HDAC9: variants seen among roughly 807,000 people sequenced by gnomAD.
The protein encoded by HDAC9 is histone deacetylase 9, also known as MEF-2 interacting transcription repressor (MITR) protein.
HDAC9 carries 41 observed loss-of-function variants against 139.4 expected under a neutral mutation model. The observed-to-expected ratio is 0.29, with a 90% CI of 0.23 to 0.38. The LOEUF (loss-of-function observed/expected upper bound fraction) is 0.38. Ranked by LOEUF, HDAC9 falls within the 10% of genes least tolerant of loss-of-function variation. The pLI, the probability that HDAC9 is intolerant of heterozygous loss-of-function variation, is 1.00. For synonymous variants in HDAC9, 517 were observed against 476.2 expected (o/e 1.09, Z -1.12); for missense variants, 1,147 against 1,297.0 (o/e 0.88, Z 1.78).
chr7:18,112,748 A>G (rs1054371011), intron 1 of HDAC9, among the ~76,000 whole-genome samples: 2 of 152,154 alleles, frequency 1.3e-5, no homozygotes, highest in Non-Finnish European at 2.9e-5. Flanking sequence ...ATACACTTTT[A>G]TTTTGATGAG....
At chr7:18,407,141 T>C (rs746272769) in intron 1 of HDAC9, among the ~76,000 whole-genome samples, 1 of 152,214 alleles carries the variant, frequency 6.6e-6, no homozygotes, top group African/African-American at 2.4e-5. Flanking sequence ...TGGTCCTTTT[T>C]TCTTTCACTC....
intron 1 of HDAC9, among the ~76,000 whole-genome samples, chr7:18,342,560 A>G (rs540619919): frequency 8.6e-4 from 130 of 151,932 alleles, no homozygotes; most frequent in African/African-American, 3.0e-3. Context: ...AATGTTTTAA[A>G]TGCTTACTTT....
At chr7:18,585,583 C>A (rs1829225152) in intron 3 of HDAC9, 61 bp downstream of exon 3, 4 of 1,576,842 alleles carry the variant, frequency 2.5e-6, no homozygotes, top group East Asian at 2.2e-5. Flanking sequence ...TGGGCATGAA[C>A]AGTGCCCATG....
intron 22 of HDAC9, among the ~76,000 whole-genome samples, chr7:18,877,206 C>A (rs1312917601): frequency 6.6e-6 from 1 of 152,140 alleles, no homozygotes. Context: ...GCTGCCCCAA[C>A]AAGTGGGTAG....
At position 18,634,669 on chromosome 7, in the gene HDAC9, C is replaced by T; in HGVS notation, c.839C>T (p.Ser280Leu). The T allele has an allele frequency of 6.3e-7, 1 of 1,594,874 alleles. No individual in the cohort carries two copies. Residue 280 changes from serine (S) to leucine (L), a missense_variant, in exon 8 of 26, where the codon TCA (serine) becomes TTA (leucine). Ser to Leu is a moderately radical substitution (Grantham distance 145). This residue lies in a region of HDAC9 where 264 missense variants were observed against 273.8 expected (regional missense o/e 0.96). Coordinates refer to ENST00000686413, the MANE Select transcript of HDAC9 (RefSeq NM_178425.4). Reference sequence around the variant, plus strand: ...AGTTCTCCAGGCTCTGGTCCCAGTTCACCAAACAATGGGCCAACTGGAAGT... The same window carrying T: ...AGTTCTCCAGGCTCTGGTCCCAGTTTACCAAACAATGGGCCAACTGGAAGT... ...SSSSPGSGPS[S>L]PNNGPTGSVT...
intron 12 of HDAC9, among the ~76,000 whole-genome samples, chr7:18,725,904 G>C (rs1270361805): frequency 6.6e-6 from 1 of 152,142 alleles, no homozygotes; most frequent in Non-Finnish European, 1.5e-5. Flanking sequence ...CTAGGTCCCT[G>C]ACCAATCCAT....
At chr7:18,144,138 A>G (rs1205274252) in intron 1 of HDAC9, among the ~76,000 whole-genome samples, 3 of 152,150 alleles carry the variant, frequency 2.0e-5, no homozygotes, top group Non-Finnish European at 4.4e-5. Context: ...AAATAAAAAC[A>G]TTTTCTGATT....
At chr7:18,246,116 T>C (rs943892927) in intron 2 of HDAC9, among the ~76,000 whole-genome samples, 4 of 147,424 alleles carry the variant, frequency 2.7e-5, no homozygotes. Flanking sequence ...AAAAAGTAAG[T>C]TATCTAGTAT....
intron 2 of HDAC9, among the ~76,000 whole-genome samples, chr7:18,510,478 A>G (rs542067321): frequency 2.0e-5 from 3 of 152,180 alleles, no homozygotes; most frequent in South Asian, 2.1e-4. Context: ...CCCTTCTCCT[A>G]TGTTTTTATG....
intron 2 of HDAC9, among the ~76,000 whole-genome samples, chr7:18,226,243 A>G (rs1301499969): frequency 6.6e-6 from 1 of 152,156 alleles, no homozygotes; most frequent in African/African-American, 2.4e-5. Flanking sequence ...TCTTGTCTCA[A>G]GGAGCAAATA....
intron 2 of HDAC9, among the ~76,000 whole-genome samples, chr7:18,266,238 G>A (rs1163742008): frequency 6.6e-6 from 1 of 152,040 alleles, no homozygotes; most frequent in Non-Finnish European, 1.5e-5. Flanking sequence ...ATATCATGGT[G>A]GCCAACGCAC....
At chr7:18,244,773 G>C (rs1271677926) in intron 2 of HDAC9, among the ~76,000 whole-genome samples, 2 of 151,928 alleles carry the variant, frequency 1.3e-5, no homozygotes, top group Non-Finnish European at 2.9e-5. Context: ...ACTCCAGCCT[G>C]TGCGACAGAG....
At chr7:18,819,390 A>G (rs998831403) in intron 17 of HDAC9, among the ~76,000 whole-genome samples, 1 of 152,336 alleles carries the variant, frequency 6.6e-6, no homozygotes, top group African/African-American at 2.4e-5. Flanking sequence ...GCAGAGTTTC[A>G]CTATGTATAT....
intron 11 of HDAC9, among the ~76,000 whole-genome samples, chr7:18,665,970 G>GA (rs1210018996): frequency 6.6e-6 from 1 of 151,882 alleles, no homozygotes; most frequent in Non-Finnish European, 1.5e-5. Flanking sequence ...CCATTAAAAA[G>GA]AAAAAACAAT....
intron 25 of HDAC9, among the ~76,000 whole-genome samples, chr7:18,978,904 A>G (rs1015718485): frequency 6.6e-6 from 1 of 152,114 alleles, no homozygotes; most frequent in African/African-American, 2.4e-5. Context: ...TTAGGAGCAC[A>G]TTTGCACTCT....
chr7:18,209,013 A>G (rs1298075758), intron 2 of HDAC9, among the ~76,000 whole-genome samples: 1 of 152,144 alleles, frequency 6.6e-6, no homozygotes, highest in Non-Finnish European at 1.5e-5. Flanking sequence ...TAGTCAACAT[A>G]CCTTGCTTAG....
At position 18,968,442 on chromosome 7, in the gene HDAC9, T is replaced by G. The variant is rs143323126; in HGVS notation, c.3023-7364T>G. ...CTATATACAGATAGAGATAGAGAGA[T>G]ATATGATACAGAGAGAGAGAAAAAG... On this transcript the variant is annotated intron_variant, in intron 24 of 25. Coordinates refer to ENST00000686413, the MANE Select transcript of HDAC9 (RefSeq NM_178425.4). Among the ~76,000 whole-genome samples the G allele has an allele frequency of 6.3e-4, 96 of 152,182 alleles. 2 individuals are homozygous for G. In the East Asian group the frequency reaches 0.016, roughly 25 times the overall value.
At chr7:18,283,791 G>T (rs1442892151) in intron 2 of HDAC9, among the ~76,000 whole-genome samples, 1 of 152,170 alleles carries the variant, frequency 6.6e-6, no homozygotes, top group Non-Finnish European at 1.5e-5. Context: ...ACATTCAGCT[G>T]CAGAATTAAA....
intron 1 of HDAC9, among the ~76,000 whole-genome samples, chr7:18,103,295 C>G (rs1307376210): frequency 6.6e-6 from 1 of 152,092 alleles, no homozygotes; most frequent in Admixed American, 6.5e-5. Flanking sequence ...GGGGACACAG[C>G]CAAACCATAT....
Sources: gnomAD v4.1 joint callset for allele counts (sites outside exome capture counted in the v4.1 genomes callset) on GRCh38, gnomAD v4.1.1 for gene constraint, gnomAD v4.1.1 regional missense constraint, MANE v1.5 for transcripts, NCBI Gene and HGNC (gene_info 2026-07-23, HGNC 2026-07-21) for gene names.